NPPC: variants seen among roughly 807,000 people sequenced by gnomAD.
NPPC encodes C-type natriuretic peptide.
Under a neutral mutation model 10.2 loss-of-function variants are expected in NPPC, and 4 were observed. The ratio of observed to expected loss-of-function variants is 0.39; its 90% CI spans 0.19 to 0.90. The LOEUF is 0.90. Ranked by LOEUF, NPPC falls within the 40% of genes least tolerant of loss-of-function variation. NPPC has a pLI of 0.37. For synonymous variants in NPPC, 83 were observed against 87.3 expected, an observed-to-expected ratio of 0.95 and a Z score of 0.27; for missense variants, 182 against 173.8, an observed-to-expected ratio of 1.05 and a Z score of -0.26.
Position 231,926,376 on chromosome 2 carries a change from G to C in NPPC, c.-127C>G. The C allele has an allele frequency of 1.9e-6, 1 of 513,342 alleles. No individual in the cohort carries two copies. Among genetic ancestry groups the C allele is most frequent in the Non-Finnish European group, 3.0e-6 (1 of 332,012 alleles). The allele number at this position is 513,342 out of a possible 1,614,324, so 31.8% of individuals were successfully genotyped here. Reference sequence around the variant, plus strand: ...GGCGAGCAGGGTCCCAGTGCTGCGCGGCGCCGGCTGGGTGCGCTCTGAGCC... The same window carrying C: ...GGCGAGCAGGGTCCCAGTGCTGCGCCGCGCCGGCTGGGTGCGCTCTGAGCC... On this transcript the variant is annotated 5_prime_UTR_variant, in exon 1 of 3. Coordinates refer to ENST00000409852, the MANE Select transcript of NPPC (RefSeq NM_024409.4).
chr2:231,926,195 G>A lies in NPPC; in HGVS notation c.55C>T (p.Arg19Trp). 7.5e-7 allele frequency: 1 copy of A among 1,330,222 alleles called. No individual in the cohort carries two copies. Among genetic ancestry groups the A allele is most frequent in the Non-Finnish European group, 9.6e-7 (1 of 1,037,748 alleles). The allele number at this position is 1,330,222 out of a possible 1,614,324, so 82.4% of individuals were successfully genotyped here. Reference protein sequence around the residue: ...CALLLTLLSLRPSEAKPGAPP... With the variant: ...CALLLTLLSLWPSEAKPGAPP... ...GCCCCGGGCTTGGCTTCGGAGGGCC[G>A]GAGGGAGAGCAGCGTGAGCAGCAGG... The change falls in exon 1 of 3, where the codon CGG becomes TGG. Residue 19 changes from arginine to tryptophan, a missense_variant. Coordinates refer to ENST00000409852, the MANE Select transcript of NPPC (RefSeq NM_024409.4).
chr2:231,924,778 C>A (rs1691976965), intron 2 of NPPC, among the ~76,000 whole-genome samples: 1 of 152,102 alleles, frequency 6.6e-6, no homozygotes, highest in Non-Finnish European at 1.5e-5. Context: ...GAGGCTGGGG[C>A]AAATAATATT....
chr2:231,925,000 G>A (rs1385545460), intron 2 of NPPC, among the ~76,000 whole-genome samples: 1 of 152,134 alleles, frequency 6.6e-6, no homozygotes, highest in East Asian at 1.9e-4. Flanking sequence ...GGGCATGGTG[G>A]CCAGCAGATG....
rs1692008475 is a variant in NPPC at position 231,926,305 on chromosome 2, C to T, written c.-56G>A. On this transcript the variant is annotated 5_prime_UTR_variant, in exon 1 of 3. Transcript: ENST00000409852. The stretch of plus-strand genomic sequence containing the variant: ...GCGGCAGCGAGGGCGCGCAGGTCGG[C>T]GGGCAGACCAGCAGGGGGATGCGGA... 3 of 1,166,440 alleles carry T rather than the reference C, an allele frequency of 2.6e-6. No homozygotes were observed. Among genetic ancestry groups the T allele is most frequent in the South Asian group, 3.4e-5 (1 of 29,388 alleles). The allele number at this position is 1,166,440 out of a possible 1,614,324, so 72.3% of individuals were successfully genotyped here. A position where few individuals can be genotyped will look rare whatever the true frequency, so the allele number is the denominator to read the frequency against.
intron 2 of NPPC, 50 bp downstream of exon 2, chr2:231,925,355 G>A: frequency 1.4e-6 from 2 of 1,388,384 alleles, no homozygotes; most frequent in Non-Finnish European, 1.9e-6. Flanking sequence ...GCTGGGCGGC[G>A]GGCGGTCCCG....
In NPPC at chr2:231,926,217, C is replaced by T; in HGVS notation, c.33G>A (p.Leu11=). The T allele has an allele frequency of 3.0e-6, 4 of 1,327,792 alleles. No homozygotes were observed. Among genetic ancestry groups the T allele is most frequent in the Non-Finnish European group, 3.9e-6 (4 of 1,035,706 alleles). The allele number at this position is 1,327,792 out of a possible 1,614,324, so 82.3% of individuals were successfully genotyped here. Residue 11 remains leucine (L), a synonymous_variant, in exon 1 of 3, where the codon CTG becomes CTA. Coordinates refer to ENST00000409852, the MANE Select transcript of NPPC (RefSeq NM_024409.4). ...GCCGGAGGGAGAGCAGCGTGAGCAG[C>T]AGGGCGCAGGCCAGCAGCTGGGAGA... MHLSQLLACA[L]LLTLLSLRPS...
rs1692007439 is a variant in NPPC, at chr2:231,926,259, G to A, written c.-10C>T. On this transcript the variant is annotated 5_prime_UTR_variant, in exon 1 of 3. Transcript: ENST00000409852. ...GCTGGGAGAGATGCATGGTGCCGCTGGGGTCGAGGGGCGCACACGGGCGGC... is the reference window on the plus strand; with the variant it reads ...GCTGGGAGAGATGCATGGTGCCGCTAGGGTCGAGGGGCGCACACGGGCGGC... 1 of 1,285,746 alleles carries A rather than the reference G, an allele frequency of 7.8e-7. No individual in the cohort carries two copies. Among genetic ancestry groups the A allele is most frequent in the Admixed American group, 4.0e-5 (1 of 25,220 alleles). 79.6% of individuals were successfully genotyped at this position (1,285,746 alleles called of 1,614,324 possible).
intron 2 of NPPC, among the ~76,000 whole-genome samples, chr2:231,925,087 C>G (rs923180986): frequency 6.6e-6 from 1 of 152,202 alleles, no homozygotes; most frequent in Non-Finnish European, 1.5e-5. Context: ...TCAATCCCCC[C>G]ACCAGCTGGC....
chr2:231,926,324 A>T lies in NPPC; in HGVS notation c.-75T>A, dbSNP rs1692008977. ...GGTCGGCGGGCAGACCAGCAGGGGG[A>T]TGCGGAGCAGGCTGGCTGGGCTGCA... On this transcript the variant is annotated 5_prime_UTR_variant, in exon 1 of 3. Coordinates refer to ENST00000409852, the MANE Select transcript of NPPC (RefSeq NM_024409.4). 2 of 1,009,108 alleles carry T rather than the reference A, an allele frequency of 2.0e-6. No individual in the cohort carries two copies. The highest frequency in any genetic ancestry group is 1.3e-6 in the Non-Finnish European group (1 of 777,814). The allele number at this position is 1,009,108 out of a possible 1,614,324, so 62.5% of individuals were successfully genotyped here.
chr2:231,922,556 C>T (rs945886487), intron 2 of NPPC, among the ~76,000 whole-genome samples: 3 of 152,210 alleles, frequency 2.0e-5, no homozygotes, highest in Admixed American at 1.3e-4. Context: ...GTCTGCAACA[C>T]TCCTTCTTCC....
chr2:231,925,426 T>TA lies in NPPC; in HGVS notation c.379dup (p.Ter127LeufsTer17), dbSNP rs772925419. ...TCACCGCCGCCAGGGGGCGCCGCACTAACATCCCAGGCCGCTCATGGAGCC... is the reference window on the plus strand; with the variant it reads ...TCACCGCCGCCAGGGGGCGCCGCACTAAACATCCCAGGCCGCTCATGGAGCC... On this transcript the variant is annotated frameshift_variant and stop_lost, in exon 2 of 3. Coordinates refer to ENST00000409852, the MANE Select transcript of NPPC (RefSeq NM_024409.4). LOFTEE classifies it high-confidence loss of function. The TA allele has an allele frequency of 6.3e-7, 1 of 1,593,946 alleles. No homozygotes were observed. Among genetic ancestry groups the TA allele is most frequent in the Non-Finnish European group, 8.6e-7 (1 of 1,168,640 alleles).
At chr2:231,925,832 C>T in intron 1 of NPPC, 117 bp from the exon 2 acceptor site, 1 of 1,230,332 alleles carries the variant, frequency 8.1e-7, no homozygotes, top group Non-Finnish European at 1.1e-6. Context: ...CCAGAGCCGC[C>T]CCCACCGATG....
At chr2:231,923,333 C>T (rs1224126092) in intron 2 of NPPC, among the ~76,000 whole-genome samples, 1 of 152,256 alleles carries the variant, frequency 6.6e-6, no homozygotes, top group Non-Finnish European at 1.5e-5. Context: ...AACCATCAAC[C>T]ACCATCATTA....
In NPPC at chr2:231,926,169, C is replaced by T. The variant is rs1332022822; in HGVS notation, c.81G>A (p.Ala27=). 1 of 1,292,996 alleles carries T rather than the reference C, an allele frequency of 7.7e-7. No individual in the cohort carries two copies. Among genetic ancestry groups the T allele is most frequent in the Non-Finnish European group, 9.8e-7 (1 of 1,019,580 alleles). The allele number at this position is 1,292,996 out of a possible 1,614,324, so 80.1% of individuals were successfully genotyped here. The change falls in exon 1 of 3, where the codon GCG becomes GCA. Residue 27 remains alanine, a synonymous_variant. Transcript: ENST00000409852. Reference sequence around the variant, plus strand: ...CCACGACAGCACCCACCTTCGGCGGCGCCCCGGGCTTGGCTTCGGAGGGCC... The same window carrying T: ...CCACGACAGCACCCACCTTCGGCGGTGCCCCGGGCTTGGCTTCGGAGGGCC... ...SLRPSEAKPG[A]PPKVPRTPPA... is the part of the protein sequence containing the mutation.
chr2:231,924,806 T>C (rs1020495502), intron 2 of NPPC, among the ~76,000 whole-genome samples: 1 of 152,184 alleles, frequency 6.6e-6, no homozygotes, highest in African/African-American at 2.4e-5. Flanking sequence ...GTGTCTTTCC[T>C]ATTCCCTGAA....
At chr2:231,922,752 GC>G (rs1307336193) in intron 2 of NPPC, among the ~76,000 whole-genome samples, 3 of 152,238 alleles carry the variant, frequency 2.0e-5, no homozygotes, top group Non-Finnish European at 4.4e-5. Context: ...GGAATCCTGG[GC>G]TCAAATCTCT....
chr2:231,925,797 C>G, intron 1 of NPPC, 82 bp from the exon 2 acceptor site: 6 of 1,389,764 alleles, frequency 4.3e-6, no homozygotes, highest in Non-Finnish European at 5.6e-6. Flanking sequence ...CACGCGCCCG[C>G]CGGCGCGGGG....
At chr2:231,925,257 T>G in intron 2 of NPPC, 148 bp downstream of exon 2, 3 of 640,732 alleles carry the variant, frequency 4.7e-6, no homozygotes, top group Non-Finnish European at 7.2e-6. Context: ...TTCGCTTTCT[T>G]TGTCTGTAAA....
At chr2:231,925,820 G>A in intron 1 of NPPC, 105 bp from the exon 2 acceptor site, 2 of 1,281,018 alleles carry the variant, frequency 1.6e-6, no homozygotes, top group Non-Finnish European at 2.0e-6. Context: ...TCCCTCCCAA[G>A]CCCAGAGCCG....
Sources: allele counts gnomAD v4.1 joint callset (sites outside exome capture counted in the v4.1 genomes callset), GRCh38; gene constraint gnomAD v4.1.1; transcripts MANE v1.5; gene names NCBI Gene and HGNC (gene_info 2026-07-23, HGNC 2026-07-21).